The following ATP13A5 variants were observed in gnomAD, a reference collection of about 807,000 sequenced individuals.
ATP13A5 encodes the protein ATPase 13A5.
ATP13A5 carries 149 observed loss-of-function variants against 150.2 expected under a neutral mutation model. The ratio of observed to expected loss-of-function variants is 0.99; its 90% CI spans 0.87 to 1.14. The LOEUF is 1.14. ATP13A5 is among the 50% of genes most tolerant of loss of function. The pLI is 0.00. For missense variants in ATP13A5, 1,383 were observed against 1,449.3 expected (o/e 0.95, Z 0.74); for synonymous variants, 497 against 522.2 (o/e 0.95, Z 0.66).
At chr3:193,302,638 T>C (rs1718442630) in intron 23 of ATP13A5, among the ~76,000 whole-genome samples, 1 of 152,230 alleles carries the variant, frequency 6.6e-6, no homozygotes, top group African/African-American at 2.4e-5. Context: ...ATACCCAGCA[T>C]AGTGCTAGGC....
chr3:193,304,514 A>C (rs1260473946), intron 23 of ATP13A5, among the ~76,000 whole-genome samples: 1 of 152,206 alleles, frequency 6.6e-6, no homozygotes, highest in East Asian at 1.9e-4. Context: ...TTTTGTATGA[A>C]TCTCAAAATC....
At chr3:193,279,278 A>G (rs1717369507) in intron 28 of ATP13A5, 88 bp downstream of exon 28, 1 of 1,058,166 alleles carries the variant, frequency 9.5e-7, no homozygotes, top group Non-Finnish European at 1.4e-6. Context: ...GGTCAAAGAG[A>G]ATACAGTAAT....
At chr3:193,288,214 C>A (rs1218145276) in intron 26 of ATP13A5, among the ~76,000 whole-genome samples, 1 of 152,126 alleles carries the variant, frequency 6.6e-6, no homozygotes, top group Non-Finnish European at 1.5e-5. Flanking sequence ...ATTATATAAA[C>A]TTACTTGACA....
intron 28 of ATP13A5, 121 bp downstream of exon 28, chr3:193,279,245 G>T: frequency 1.3e-6 from 1 of 754,834 alleles, no homozygotes; most frequent in Non-Finnish European, 2.2e-6. Flanking sequence ...CTAGTATATA[G>T]AAATAGCCTC....
At chr3:193,279,813 T>G (rs1383839597) in intron 27 of ATP13A5, among the ~76,000 whole-genome samples, 3 of 151,878 alleles carry the variant, frequency 2.0e-5, no homozygotes, top group Non-Finnish European at 4.4e-5. Context: ...AGAATAAAGT[T>G]CAGGGATCCT....
At position 193,363,395 on chromosome 3, in the gene ATP13A5, AT is replaced by A. The variant is rs1277570095; in HGVS notation, c.238-14del. Reference sequence around the variant, plus strand: ...TTTGAAATTCGTCCTGGAAAAGACAATCCAGTTCATGAAATTCTCAAGTGTT... The same window carrying A: ...TTTGAAATTCGTCCTGGAAAAGACAACCAGTTCATGAAATTCTCAAGTGTT... On this transcript the variant is annotated splice_polypyrimidine_tract_variant and intron_variant, in intron 2 of 29. Transcript: ENST00000342358. 1 of 1,606,794 alleles carries A rather than the reference AT, an allele frequency of 6.2e-7. No homozygotes were observed.
At chr3:193,305,008 C>T (rs1322117794) in intron 23 of ATP13A5, among the ~76,000 whole-genome samples, 1 of 121,338 alleles carries the variant, frequency 8.2e-6, no homozygotes, top group Non-Finnish European at 2.0e-5. Context: ...GGAAACTGCC[C>T]CCATGATCCA....
At chr3:193,279,290 A>G in intron 28 of ATP13A5, 76 bp downstream of exon 28, 1 of 1,182,684 alleles carries the variant, frequency 8.5e-7, no homozygotes, top group Non-Finnish European at 1.3e-6. Flanking sequence ...TACAGTAATA[A>G]TTGACTTGTG....
At chr3:193,362,739 CACTT>C in intron 3 of ATP13A5, 102 bp from the exon 4 acceptor site, 1 of 921,458 alleles carries the variant, frequency 1.1e-6, no homozygotes, top group Non-Finnish European at 1.7e-6. Context: ...TTGTGGGTCT[CACTT>C]GCTTTCCTTC....
At chr3:193,335,302 G>T (rs912355017) in intron 9 of ATP13A5, among the ~76,000 whole-genome samples, 1 of 152,116 alleles carries the variant, frequency 6.6e-6, no homozygotes, top group Non-Finnish European at 1.5e-5. Flanking sequence ...GATTAGATCT[G>T]CCTATCTATC....
intron 14 of ATP13A5, among the ~76,000 whole-genome samples, chr3:193,322,906 T>G (rs1380677895): frequency 6.6e-6 from 1 of 152,212 alleles, no homozygotes; most frequent in Non-Finnish European, 1.5e-5. Context: ...TCTCCAACAT[T>G]GCCGAGCACC....
At chr3:193,369,909 G>A (rs1403340240) in intron 1 of ATP13A5, among the ~76,000 whole-genome samples, 2 of 152,274 alleles carry the variant, frequency 1.3e-5, no homozygotes, top group Admixed American at 6.5e-5. Flanking sequence ...GATAACAGGT[G>A]ATTTTATAGT....
intron 11 of ATP13A5, 33 bp from the exon 12 acceptor site, chr3:193,331,344 G>A: frequency 6.3e-7 from 1 of 1,581,748 alleles, no homozygotes; most frequent in Non-Finnish European, 8.6e-7. Flanking sequence ...ATACAGGATA[G>A]CCCAGCACAG....
chr3:193,283,814 AC>A (rs997466268), intron 27 of ATP13A5, among the ~76,000 whole-genome samples: 9 of 151,454 alleles, frequency 5.9e-5, no homozygotes, highest in African/African-American at 1.5e-4. Flanking sequence ...TATTTATCAT[AC>A]TGAAGCCAAT....
At chr3:193,350,116 T>C (rs976160983) in intron 7 of ATP13A5, among the ~76,000 whole-genome samples, 2 of 152,058 alleles carry the variant, frequency 1.3e-5, no homozygotes, top group African/African-American at 4.8e-5. Context: ...TGCCATTATA[T>C]ATAAAGTGAA....
chr3:193,275,250 C>A lies in ATP13A5; in HGVS notation c.3449G>T (p.Gly1150Val). 1 of 1,614,054 alleles carries A rather than the reference C, an allele frequency of 6.2e-7. No individual in the cohort carries two copies. Among genetic ancestry groups the A allele is most frequent in the Non-Finnish European group, 8.5e-7 (1 of 1,180,036 alleles). ...ELWLLIKREF[G>V]FYSKSQYRTW... ...CCTATATTGACTTTTAGAGTAGAAT[C>A]CAAATTCTCTTTTGATCAACAGCCA... Residue 1150 changes from glycine to valine, a missense_variant, in exon 30 of 30, where the codon GGA (glycine) becomes GTA (valine). By Grantham distance (109) the Gly-to-Val change is moderately radical. This residue lies in a region of ATP13A5 where 568 missense variants were observed against 621.5 expected (regional missense o/e 0.91). Transcript: ENST00000342358.
At chr3:193,279,976 TAAAAAAAAAA>T (rs57617984) in intron 27 of ATP13A5, among the ~76,000 whole-genome samples, 6 of 59,890 alleles carry the variant, frequency 1.0e-4, no homozygotes, top group South Asian at 1.1e-3. Context: ...GTGTCTTTGT[TAAAAAAAAAA>T]AAAAAAAAAA....
intron 12 of ATP13A5, among the ~76,000 whole-genome samples, 182 bp from the exon 13 acceptor site, chr3:193,327,239 A>C (rs1719498574): frequency 1.3e-5 from 2 of 152,232 alleles, no homozygotes; most frequent in African/African-American, 2.4e-5. Context: ...CAGGTGATAC[A>C]TGATCCCCAA....
At chr3:193,362,761 CT>C (rs1560150959) in intron 3 of ATP13A5, 124 bp from the exon 4 acceptor site, 43 of 133,622 alleles carry the variant, frequency 3.2e-4, no homozygotes, top group African/African-American at 2.0e-3. Flanking sequence ...TTCTTTCTTT[CT>C]TTCTTTCTTT....
Sources: allele counts gnomAD v4.1 joint callset (sites outside exome capture counted in the v4.1 genomes callset), GRCh38; gene constraint gnomAD v4.1.1; regional missense constraint gnomAD v4.1.1; transcripts MANE v1.5; gene names NCBI Gene and HGNC (gene_info 2026-07-23, HGNC 2026-07-21).